The following PAN3 variants were observed in gnomAD, a reference collection of about 807,000 sequenced individuals.
PAN3 encodes PAN2-PAN3 deadenylation complex subunit PAN3.
PAN3 carries 19 observed loss-of-function variants against 96.2 expected under a neutral mutation model. That is an observed-to-expected ratio of 0.20 (90% CI 0.14 to 0.29). PAN3 has a LOEUF of 0.29. Ranked by LOEUF, PAN3 falls within the 10% of genes least tolerant of loss-of-function variation. The pLI is 1.00. For missense variants in PAN3, 882 were observed against 1,108.1 expected (o/e 0.80, Z 2.90); for synonymous variants, 433 against 406.6 (o/e 1.06, Z -0.78).
At chr13:28,184,084 A>G (rs1032144926) in intron 4 of PAN3, among the ~76,000 whole-genome samples, 2 of 152,062 alleles carry the variant, frequency 1.3e-5, no homozygotes, top group Admixed American at 1.3e-4. Context: ...CTCCCCCAGT[A>G]TTAATTTTTT....
chr13:28,244,402 C>A (rs557887716), intron 6 of PAN3, among the ~76,000 whole-genome samples: 1 of 152,238 alleles, frequency 6.6e-6, no homozygotes, highest in South Asian at 2.1e-4. Flanking sequence ...AAGGGAGATT[C>A]ACTTTTTTTA....
At chr13:28,266,116 A>G (rs1231924391) in intron 9 of PAN3, among the ~76,000 whole-genome samples, 1 of 152,180 alleles carries the variant, frequency 6.6e-6, no homozygotes, top group African/African-American at 2.4e-5. Context: ...AACATTTGGC[A>G]AATACAAAAT....
rs901016497 is a variant in PAN3, at chr13:28,200,733, G to A, written c.852+3387G>A. On this transcript the variant is annotated intron_variant, in intron 5 of 18. Transcript: ENST00000380958. ...TAAAATTTTTCTTAATCTTTTGTACGTTTGTAGAGGGTAAATTTATTCTTC... is the reference window on the plus strand; with the variant it reads ...TAAAATTTTTCTTAATCTTTTGTACATTTGTAGAGGGTAAATTTATTCTTC... Among the ~76,000 whole-genome samples, 13 of 152,130 alleles carry A rather than the reference G, an allele frequency of 8.5e-5. No homozygotes were observed. The South Asian group carries it at 1.0e-3, about 12-fold the overall frequency.
intron 6 of PAN3, among the ~76,000 whole-genome samples, chr13:28,252,542 C>G (rs796119937): frequency 1.3e-5 from 2 of 152,068 alleles, no homozygotes; most frequent in African/African-American, 4.8e-5. Context: ...AATCTCATTT[C>G]TTTCTTTTGT....
At chr13:28,187,812 C>G (rs906551722) in intron 4 of PAN3, among the ~76,000 whole-genome samples, 1 of 152,094 alleles carries the variant, frequency 6.6e-6, no homozygotes, top group Non-Finnish European at 1.5e-5. Flanking sequence ...CCTGTCTCAT[C>G]TACCCAACTT....
intron 6 of PAN3, among the ~76,000 whole-genome samples, chr13:28,227,746 A>G (rs1055147456): frequency 3.9e-5 from 6 of 152,216 alleles, no homozygotes; most frequent in Non-Finnish European, 8.8e-5. Context: ...GGGAAGGATA[A>G]CATTTGTACT....
rs569968459 is a variant in PAN3 at position 28,294,312 on chromosome 13, T to G, written c.*1790T>G. The stretch of plus-strand genomic sequence containing the variant: ...ATGTAAAAAGAAGAACTTGGAGACA[T>G]TAACATGAAAAAGTCTTTTATCATT... On this transcript the variant is annotated 3_prime_UTR_variant, in exon 19 of 19. Coordinates refer to ENST00000380958, the MANE Select transcript of PAN3 (RefSeq NM_175854.8). The G allele has an allele frequency of 6.5e-6, 1 of 152,768 alleles. No individual in the cohort carries two copies. Among genetic ancestry groups the G allele is most frequent in the East Asian group, 1.9e-4 (1 of 5,188 alleles). 9.5% of individuals were successfully genotyped at this position (152,768 alleles called of 1,614,324 possible).
At chr13:28,144,993 C>G (rs915097865) in intron 1 of PAN3, among the ~76,000 whole-genome samples, 1 of 152,126 alleles carries the variant, frequency 6.6e-6, no homozygotes, top group African/African-American at 2.4e-5. Flanking sequence ...GCTGGGACTA[C>G]AGGCGTGAGC....
At chr13:28,278,795 T>C (rs1197271082) in intron 15 of PAN3, among the ~76,000 whole-genome samples, 2 of 152,118 alleles carry the variant, frequency 1.3e-5, no homozygotes, top group Non-Finnish European at 2.9e-5. Context: ...ACATAGCCTG[T>C]AATAACATTA....
intron 4 of PAN3, among the ~76,000 whole-genome samples, chr13:28,181,396 GCTA>G (rs1014873422): frequency 6.6e-6 from 1 of 151,360 alleles, no homozygotes; most frequent in African/African-American, 2.4e-5. Context: ...TGTAGTCACA[GCTA>G]CTCGGGAGGA....
intron 4 of PAN3, among the ~76,000 whole-genome samples, chr13:28,181,577 C>T (rs373390485): frequency 8.7e-5 from 13 of 148,916 alleles, no homozygotes; most frequent in African/African-American, 3.2e-4. Context: ...TATATCTAGG[C>T]TGTATAATTG....
intron 9 of PAN3, among the ~76,000 whole-genome samples, chr13:28,264,477 T>C (rs1475728470): frequency 6.6e-6 from 1 of 152,114 alleles, no homozygotes; most frequent in Non-Finnish European, 1.5e-5. Flanking sequence ...AGGTGGAGGT[T>C]GCAGTGAGAT....
chr13:28,240,455 T>A (rs1223836704), intron 6 of PAN3, among the ~76,000 whole-genome samples: 1 of 152,116 alleles, frequency 6.6e-6, no homozygotes, highest in Non-Finnish European at 1.5e-5. Context: ...ATTAAAAGAT[T>A]ATAAATGTAT....
intron 1 of PAN3, among the ~76,000 whole-genome samples, chr13:28,154,062 T>C (rs1191648309): frequency 6.6e-6 from 1 of 152,188 alleles, no homozygotes; most frequent in African/African-American, 2.4e-5. Context: ...TTGGAGGATA[T>C]TTTTCGGTGA....
At chr13:28,186,713 A>G (rs1388705868) in intron 4 of PAN3, among the ~76,000 whole-genome samples, 1 of 152,202 alleles carries the variant, frequency 6.6e-6, no homozygotes, top group Non-Finnish European at 1.5e-5. Flanking sequence ...CTACATAGTG[A>G]CAGCTACATG....
In PAN3 at chr13:28,256,338, T is replaced by A; in HGVS notation, c.1047T>A (p.Ile349=). Reference sequence around the variant, plus strand: ...CTTCCCCTCTTCATTCCCCCAAGATTACTCCACATACTTCTCCTGCTCCCA... The same window carrying A: ...CTTCCCCTCTTCATTCCCCCAAGATAACTCCACATACTTCTCCTGCTCCCA... ...AGSSPLHSPK[I]TPHTSPAPRR... Residue 349 remains isoleucine, a synonymous_variant, in exon 7 of 19, where the codon ATT becomes ATA. Coordinates refer to ENST00000380958, the MANE Select transcript of PAN3 (RefSeq NM_175854.8). 1 of 1,613,694 alleles carries A rather than the reference T, an allele frequency of 6.2e-7. No homozygotes were observed.
intron 1 of PAN3, among the ~76,000 whole-genome samples, chr13:28,154,597 T>C (rs991310870): frequency 6.6e-6 from 1 of 151,996 alleles, no homozygotes; most frequent in African/African-American, 2.4e-5. Flanking sequence ...AGGGTTCAAG[T>C]GAGTCTCCCG....
intron 7 of PAN3, among the ~76,000 whole-genome samples, chr13:28,257,702 TATATA>T (rs1885273083): frequency 7.3e-6 from 1 of 137,900 alleles, no homozygotes; most frequent in South Asian, 2.1e-4. Context: ...ATATATATTA[TATATA>T]TTATATATAA....
In PAN3 at chr13:28,269,674, C is replaced by T. The variant is rs113485767; in HGVS notation, c.1793-1027C>T. Among the ~76,000 whole-genome samples the T allele has an allele frequency of 9.8e-3, 1,488 of 152,168 alleles. 18 individuals carry two copies. Among genetic ancestry groups the T allele is most frequent in the African/African-American group, 0.034 (1,421 of 41,520 alleles). On this transcript the variant is annotated intron_variant, in intron 12 of 18. Coordinates refer to ENST00000380958, the MANE Select transcript of PAN3 (RefSeq NM_175854.8). ...ATTAAATAGTTTCATTTAAACAGTT[C>T]ATAGTCATTTTTCACATTGTCTTGG...
Sources: allele counts gnomAD v4.1 joint callset (sites outside exome capture counted in the v4.1 genomes callset), GRCh38; gene constraint gnomAD v4.1.1; transcripts MANE v1.5; gene names NCBI Gene and HGNC (gene_info 2026-07-23, HGNC 2026-07-21).